The following ILDR1 variants were observed in gnomAD, a reference collection of about 807,000 sequenced individuals.
ILDR1 encodes immunoglobulin like domain containing receptor 1, also known as immunoglobulin-like domain-containing receptor 1.
Under a neutral mutation model 62.4 loss-of-function variants are expected in ILDR1, and 56 were observed. That is an observed-to-expected ratio of 0.90 (90% CI 0.72 to 1.12). ILDR1 has a LOEUF of 1.12. Among genes scored for constraint, ILDR1 ranks in the 50% most tolerant of loss-of-function variants. The pLI is 0.00. For missense variants in ILDR1, 736 were observed against 710.6 expected, an observed-to-expected ratio of 1.04 and a Z score of -0.41; for synonymous variants, 284 against 277.8, an observed-to-expected ratio of 1.02 and a Z score of -0.22.
At chr3:122,011,574 C>A (rs1253288417) in intron 1 of ILDR1, among the ~76,000 whole-genome samples, 1 of 151,754 alleles carries the variant, frequency 6.6e-6, no homozygotes, top group South Asian at 2.1e-4. Context: ...AGCTCATTCA[C>A]ACTCTCTCCA....
chr3:122,051,888 T>A, the ILDR1 span, among the ~76,000 whole-genome samples: 22 of 152,180 alleles, frequency 1.4e-4, no homozygotes, highest in Non-Finnish European at 2.8e-4. Flanking sequence ...CGTAGATTCC[T>A]AAGTAGAGAG....
the ILDR1 span, among the ~76,000 whole-genome samples, chr3:122,033,502 A>C: frequency 6.6e-6 from 1 of 151,814 alleles, no homozygotes; most frequent in African/African-American, 2.4e-5. Flanking sequence ...TATTTTAATA[A>C]AGTTTAATTT....
chr3:122,054,949 C>A, the ILDR1 span, among the ~76,000 whole-genome samples: 1 of 152,162 alleles, frequency 6.6e-6, no homozygotes, highest in Non-Finnish European at 1.5e-5. Flanking sequence ...CCCATCCCCC[C>A]ACCCCAGCTC....
upstream of ILDR1, among the ~76,000 whole-genome samples, chr3:122,022,471 CCTT>C (rs1451600599): frequency 1.3e-5 from 2 of 152,260 alleles, no homozygotes; most frequent in Non-Finnish European, 2.9e-5. Context: ...ATCCCCCTCT[CCTT>C]CTAGAATTAT....
chr3:122,001,772 C>T lies in ILDR1; in HGVS notation c.472G>A (p.Asp158Asn), dbSNP rs765796598. 50 of 1,612,544 alleles carry T rather than the reference C, an allele frequency of 3.1e-5. No homozygotes were observed. The highest frequency in any genetic ancestry group is 3.9e-5 in the Non-Finnish European group (46 of 1,179,870). ...EAPGDTSGDP[D>N]KEVKLIVLHW... Reference sequence around the variant, plus strand: ...AGGACGATGAGCTTTACTTCCTTATCGGGGTCTCCTGATGTGTCCCCTGGA... The same window carrying T: ...AGGACGATGAGCTTTACTTCCTTATTGGGGTCTCCTGATGTGTCCCCTGGA... Residue 158 changes from aspartate to asparagine, a missense_variant, in exon 4 of 8, where the codon GAT (aspartate) becomes AAT (asparagine). Coordinates refer to ENST00000344209, the MANE Select transcript of ILDR1 (RefSeq NM_001199799.2).
intron 5 of ILDR1, among the ~76,000 whole-genome samples, chr3:121,999,126 C>G (rs985152860): frequency 2.0e-5 from 3 of 152,296 alleles, no homozygotes; most frequent in African/African-American, 7.2e-5. Flanking sequence ...TGAAACCAGA[C>G]TCAGGCCACC....
rs756068339 is a variant in ILDR1 at position 121,993,351 on chromosome 3, G to A, written c.1398C>T (p.Arg466=). 2.5e-6 allele frequency: 4 copies of A among 1,609,974 alleles called. No homozygotes were observed. Among genetic ancestry groups the A allele is most frequent in the Non-Finnish European group, 3.4e-6 (4 of 1,176,894 alleles). ...CGGAGGGCAAGGGAGGAGAGTAGCT[G>A]CGGTGCCTGCGTCGTCTCCCGTGCC... ...TQRHGRRRRH[R]SYSPPLPSGL... is the part of the protein sequence containing the mutation. Residue 466 remains arginine, a synonymous_variant, in exon 7 of 8, where the codon CGC becomes CGT. Transcript: ENST00000344209.
At chr3:122,042,060 TC>T in the ILDR1 span, among the ~76,000 whole-genome samples, 2 of 102,192 alleles carry the variant, frequency 2.0e-5, no homozygotes, top group African/African-American at 3.9e-5. Flanking sequence ...ATGCTATCCC[TC>T]CCCCCTCCCC....
At chr3:122,035,182 T>C in the ILDR1 span, among the ~76,000 whole-genome samples, 2 of 152,108 alleles carry the variant, frequency 1.3e-5, no homozygotes, top group African/African-American at 4.8e-5. Flanking sequence ...TCTGTAGGCA[T>C]AAAGGAAACA....
intron 1 of ILDR1, among the ~76,000 whole-genome samples, chr3:122,012,012 T>A (rs1423723561): frequency 1.3e-5 from 2 of 152,142 alleles, no homozygotes; most frequent in Non-Finnish European, 2.9e-5. Flanking sequence ...TCTTCCAAAG[T>A]AGAAGTCAGG....
At chr3:122,004,989 C>T (rs761807113) in intron 3 of ILDR1, among the ~76,000 whole-genome samples, 2 of 152,198 alleles carry the variant, frequency 1.3e-5, no homozygotes, top group African/African-American at 2.4e-5. Flanking sequence ...GGGAACCATT[C>T]ACCCCTAGAC....
the ILDR1 span, among the ~76,000 whole-genome samples, chr3:122,041,466 A>G: frequency 6.6e-6 from 1 of 152,226 alleles, no homozygotes; most frequent in Non-Finnish European, 1.5e-5. Flanking sequence ...ATGTGAAGCC[A>G]TGAGAAATAA....
In ILDR1 at chr3:121,993,629, G is replaced by C. The variant is rs763959563; in HGVS notation, c.1120C>G (p.Pro374Ala). The C allele has an allele frequency of 1.2e-6, 2 of 1,614,088 alleles. No homozygotes were observed. Among genetic ancestry groups the C allele is most frequent in the Non-Finnish European group, 1.7e-6 (2 of 1,180,038 alleles). Residue 374 changes from proline (P) to alanine (A), a missense_variant, in exon 7 of 8, where the codon CCT becomes GCT. Transcript: ENST00000344209. ...LREGRSHHHY[P>A]DFHQELQDRG... ...TCCTGGAGCTCCTGGTGGAAATCAGGGTAATGGTGGTGGCTTCTCCCCTCC... is the reference window on the plus strand; with the variant it reads ...TCCTGGAGCTCCTGGTGGAAATCAGCGTAATGGTGGTGGCTTCTCCCCTCC...
Position 121,988,105 on chromosome 3 carries a change from G to GT in ILDR1, c.*261dup. On this transcript the variant is annotated 3_prime_UTR_variant, in exon 8 of 8. Coordinates refer to ENST00000344209, the MANE Select transcript of ILDR1 (RefSeq NM_001199799.2). Reference sequence around the variant, plus strand: ...TTTTTATATTTTTTGTAGAGACGGGGTCTCACTATGTTTCCCAGGCTGATC... The same window carrying GT: ...TTTTTATATTTTTTGTAGAGACGGGGTTCTCACTATGTTTCCCAGGCTGATC... The GT allele has an allele frequency of 1.8e-6, 1 of 550,354 alleles. No individual in the cohort carries two copies. The highest frequency in any genetic ancestry group is 3.4e-6 in the Non-Finnish European group (1 of 293,364). The allele number at this position is 550,354 out of a possible 1,614,324, so 34.1% of individuals were successfully genotyped here.
chr3:121,994,183 T>C lies in ILDR1; in HGVS notation c.777A>G (p.Arg259=). 6.5e-7 allele frequency: 1 copy of C among 1,536,074 alleles called. No individual in the cohort carries two copies. The highest frequency in any genetic ancestry group is 8.7e-7 in the Non-Finnish European group (1 of 1,146,890). Residue 259 remains arginine (R), a splice_region_variant and synonymous_variant, in exon 6 of 8, where the codon CGA becomes CGG. Coordinates refer to ENST00000344209, the MANE Select transcript of ILDR1 (RefSeq NM_001199799.2). ...SSYPMHPLLQ[R]DLSLPSSLPQ... ...TCCCAAATCTCTGGAAGAGTTTACCTCGCTGCAGCAGCGGGTGCATTGGAT... is the reference window on the plus strand; with the variant it reads ...TCCCAAATCTCTGGAAGAGTTTACCCCGCTGCAGCAGCGGGTGCATTGGAT...
chr3:122,022,785 C>A (rs550684946), upstream of ILDR1, among the ~76,000 whole-genome samples: 7 of 152,222 alleles, frequency 4.6e-5, no homozygotes, highest in Non-Finnish European at 1.0e-4. Flanking sequence ...TGGTGGCACG[C>A]CCCTGAAATC....
the ILDR1 span, among the ~76,000 whole-genome samples, chr3:122,043,825 G>A: frequency 1.1e-4 from 8 of 70,550 alleles, no homozygotes; most frequent in Admixed American, 2.7e-4. Context: ...GGCTGAGACA[G>A]TGGGGTTTTC....
At chr3:122,031,791 G>T in the ILDR1 span, among the ~76,000 whole-genome samples, 1 of 152,150 alleles carries the variant, frequency 6.6e-6, no homozygotes, top group Non-Finnish European at 1.5e-5. Context: ...AATTTCTGTT[G>T]TTTATAAACC....
the ILDR1 span, among the ~76,000 whole-genome samples, chr3:122,050,627 C>A: frequency 2.8e-5 from 2 of 70,722 alleles, no homozygotes; most frequent in Admixed American, 1.9e-4. Flanking sequence ...ATTATAATTA[C>A]TTCTATGCTT....
Sources: gnomAD v4.1 joint callset for allele counts (sites outside exome capture counted in the v4.1 genomes callset) on GRCh38, gnomAD v4.1.1 for gene constraint, MANE v1.5 for transcripts, NCBI Gene and HGNC (gene_info 2026-07-23, HGNC 2026-07-21) for gene names.